Variants in CDH8 observed in about 807,000 individuals in gnomAD.
The protein encoded by CDH8 is cadherin-8.
A neutral mutation model predicts 68.1 loss-of-function variants in CDH8; 17 were observed. The observed-to-expected ratio is 0.25, with a 90% CI of 0.17 to 0.37. The LOEUF (loss-of-function observed/expected upper bound fraction) is 0.37, where lower values mean the gene tolerates loss of function less well. CDH8 is among the 10% of genes least tolerant of loss of function. CDH8 has a pLI of 1.00. For synonymous variants in CDH8, 372 were observed against 365.1 expected, an observed-to-expected ratio of 1.02 and a Z score of -0.21; for missense variants, 763 against 999.3, an observed-to-expected ratio of 0.76 and a Z score of 3.19.
Position 61,914,729 on chromosome 16 carries a change from T to TAATAAA in CDH8, c.253-13262_253-13257dup, listed in dbSNP as rs1359487698. 5.7e-5 allele frequency among the ~76,000 whole-genome samples: 7 copies of TAATAAA among 123,868 alleles called. No individual in the cohort carries two copies. In the Admixed American group the frequency reaches 5.8e-4, roughly 10 times the overall value. The allele number at this position is 123,868 out of a possible 152,430, so 81.3% of individuals were successfully genotyped here. On this transcript the variant is annotated intron_variant, in intron 2 of 11. Coordinates refer to ENST00000577390, the MANE Select transcript of CDH8 (RefSeq NM_001796.5). Reference sequence around the variant, plus strand: ...CCTAGAACTGAAAGTATAATAATAATAATAAAAAGAGTTAAAAAAAAAAAA... The same window carrying TAATAAA: ...CCTAGAACTGAAAGTATAATAATAATAATAAAAATAAAAAGAGTTAAAAAAAAAAAA...
chr16:61,761,070 A>G (rs1249743809), intron 8 of CDH8, among the ~76,000 whole-genome samples: 1 of 152,198 alleles, frequency 6.6e-6, no homozygotes, highest in Non-Finnish European at 1.5e-5. Flanking sequence ...TGATTTTCTT[A>G]TAACATTTCA....
chr16:61,712,947 T>C (rs767407277), intron 10 of CDH8, among the ~76,000 whole-genome samples: 2 of 151,592 alleles, frequency 1.3e-5, no homozygotes, highest in South Asian at 2.1e-4. Flanking sequence ...ACAGATATCA[T>C]GAATCAAATT....
At chr16:61,886,588 T>C (rs765669893) in intron 3 of CDH8, among the ~76,000 whole-genome samples, 14 of 152,232 alleles carry the variant, frequency 9.2e-5, no homozygotes, top group Non-Finnish European at 1.6e-4. Context: ...TAAAGATCAG[T>C]ATGTTTGTAG....
intron 2 of CDH8, among the ~76,000 whole-genome samples, chr16:61,928,251 A>G (rs1964486772): frequency 1.3e-5 from 2 of 152,188 alleles, no homozygotes; most frequent in Admixed American, 6.5e-5. Flanking sequence ...GATTTGTACT[A>G]CTCATCAACT....
At chr16:61,874,456 C>T (rs888371689) in intron 3 of CDH8, among the ~76,000 whole-genome samples, 3 of 151,908 alleles carry the variant, frequency 2.0e-5, no homozygotes, top group African/African-American at 2.4e-5. Context: ...CTCAGCCTCC[C>T]GAGTAGCTGG....
intron 3 of CDH8, among the ~76,000 whole-genome samples, chr16:61,871,783 T>C (rs1718030989): frequency 8.2e-6 from 1 of 122,594 alleles, no homozygotes; most frequent in African/African-American, 3.3e-5. Flanking sequence ...AAATTACATG[T>C]ACTTAATTGC....
chr16:61,726,265 C>T (rs556511965), intron 9 of CDH8: 2 of 151,088 alleles, frequency 1.3e-5, no homozygotes, highest in South Asian at 4.1e-4. Context: ...CTTAAACATA[C>T]AGTACTTTGG....
intron 8 of CDH8, chr16:61,743,395 C>G (rs1044807871): frequency 6.4e-6 from 1 of 156,636 alleles, no homozygotes; most frequent in Admixed American, 6.5e-5. Context: ...AAGGGGACAC[C>G]CGCTTAGCCA....
intron 3 of CDH8, among the ~76,000 whole-genome samples, chr16:61,897,806 GA>G (rs1270279153): frequency 3.3e-5 from 5 of 152,154 alleles, no homozygotes; most frequent in African/African-American, 1.2e-4. Flanking sequence ...CAAACAATAT[GA>G]AAAAAAGTGA....
intron 8 of CDH8, among the ~76,000 whole-genome samples, chr16:61,735,200 C>T (rs1038846703): frequency 1.3e-5 from 2 of 151,970 alleles, no homozygotes; most frequent in South Asian, 2.1e-4. Flanking sequence ...CTACATAGAC[C>T]GTTTTCCAAA....
intron 4 of CDH8, among the ~76,000 whole-genome samples, chr16:61,832,738 A>G (rs1962487984): frequency 6.6e-6 from 1 of 151,742 alleles, no homozygotes; most frequent in Non-Finnish European, 1.5e-5. Flanking sequence ...GGTTATAGAT[A>G]TCAAAGGCAT....
At chr16:61,735,736 T>C (rs532004971) in intron 8 of CDH8, among the ~76,000 whole-genome samples, 1 of 152,222 alleles carries the variant, frequency 6.6e-6, no homozygotes, top group Non-Finnish European at 1.5e-5. Flanking sequence ...AATAGGGAAT[T>C]ATCTTTCGCC....
chr16:61,779,256 C>CA (rs1354426045), intron 8 of CDH8, among the ~76,000 whole-genome samples: 10 of 152,062 alleles, frequency 6.6e-5, no homozygotes, highest in African/African-American at 4.8e-5. Flanking sequence ...TAAAATGCCC[C>CA]TGCAGAGACT....
chr16:61,879,805 G>A (rs1218645475), intron 3 of CDH8, among the ~76,000 whole-genome samples: 1 of 152,134 alleles, frequency 6.6e-6, no homozygotes, highest in African/African-American at 2.4e-5. Context: ...ATAAGCACAA[G>A]TTTCACCTAC....
At chr16:62,018,515 G>A (rs560116367) in intron 2 of CDH8, among the ~76,000 whole-genome samples, 1 of 152,054 alleles carries the variant, frequency 6.6e-6, no homozygotes, top group African/African-American at 2.4e-5. Flanking sequence ...TGGGCACCCC[G>A]ATTCAGATCA....
intron 2 of CDH8, among the ~76,000 whole-genome samples, chr16:61,968,050 TCCA>T (rs1425830739): frequency 6.6e-6 from 1 of 152,194 alleles, no homozygotes; most frequent in Non-Finnish European, 1.5e-5. Flanking sequence ...CCTTGGGCGA[TCCA>T]CCCGCTTTGG....
At chr16:61,670,908 A>G (rs1446386856) in intron 10 of CDH8, among the ~76,000 whole-genome samples, 1 of 152,082 alleles carries the variant, frequency 6.6e-6, no homozygotes, top group African/African-American at 2.4e-5. Context: ...ACAGTGCACA[A>G]TTTATAACTT....
At chr16:61,755,988 T>A (rs1487409291) in intron 8 of CDH8, among the ~76,000 whole-genome samples, 1 of 152,038 alleles carries the variant, frequency 6.6e-6, no homozygotes, top group Non-Finnish European at 1.5e-5. Flanking sequence ...GCCTGGCTAA[T>A]GTTTGTAATT....
At chr16:61,733,938 AATAAT>A (rs1959606004) in intron 8 of CDH8, among the ~76,000 whole-genome samples, 1 of 152,018 alleles carries the variant, frequency 6.6e-6, no homozygotes, top group Non-Finnish European at 1.5e-5. Context: ...CATAATCTTA[AATAAT>A]ATATTATTTT....
Sources: gnomAD v4.1 joint callset for allele counts (sites outside exome capture counted in the v4.1 genomes callset) on GRCh38, gnomAD v4.1.1 for gene constraint, MANE v1.5 for transcripts, NCBI Gene and HGNC (gene_info 2026-07-23, HGNC 2026-07-21) for gene names.